Variants in FIGN observed in about 807,000 individuals in gnomAD.
FIGN encodes fidgetin, microtubule severing factor.
Under a neutral mutation model 51.3 loss-of-function variants are expected in FIGN, and 11 were observed. The observed-to-expected ratio is 0.21, with a 90% CI of 0.13 to 0.35. The LOEUF (loss-of-function observed/expected upper bound fraction) is 0.35. FIGN is among the 10% of genes least tolerant of loss of function. The pLI is 1.00. For synonymous variants in FIGN, 407 were observed against 363.2 expected, an observed-to-expected ratio of 1.12 and a Z score of -1.37; for missense variants, 857 against 943.6, an observed-to-expected ratio of 0.91 and a Z score of 1.20.
chr2:163,652,050 C>T (rs1050919505), intron 2 of FIGN, among the ~76,000 whole-genome samples: 3 of 152,116 alleles, frequency 2.0e-5, no homozygotes, highest in Non-Finnish European at 4.4e-5. Flanking sequence ...ATGCTTAAAA[C>T]TTTGTTAATG....
At chr2:163,658,087 C>G (rs1310566451) in intron 2 of FIGN, among the ~76,000 whole-genome samples, 2 of 152,252 alleles carry the variant, frequency 1.3e-5, no homozygotes, top group African/African-American at 4.8e-5. Flanking sequence ...AATAATGCCA[C>G]AACTCTGTTT....
intron 2 of FIGN, among the ~76,000 whole-genome samples, chr2:163,621,078 C>T (rs951148324): frequency 6.6e-6 from 1 of 152,036 alleles, no homozygotes; most frequent in Admixed American, 6.6e-5. Flanking sequence ...TCTAAAAAGA[C>T]AGTTTACATA....
chr2:163,621,410 C>T (rs572586899), intron 2 of FIGN, among the ~76,000 whole-genome samples: 7 of 152,242 alleles, frequency 4.6e-5, no homozygotes, highest in Middle Eastern at 3.4e-3. Flanking sequence ...CTCCTGGGAC[C>T]TGTGTATAAT....
At chr2:163,611,971 ACT>A (rs1691273589) in intron 2 of FIGN, among the ~76,000 whole-genome samples, 165 bp from the exon 3 acceptor site, 1 of 152,240 alleles carries the variant, frequency 6.6e-6, no homozygotes, top group Non-Finnish European at 1.5e-5. Context: ...TATAATAAGT[ACT>A]CTTTAAAATG....
chr2:163,619,783 A>T (rs559179636), intron 2 of FIGN, among the ~76,000 whole-genome samples: 1 of 152,308 alleles, frequency 6.6e-6, no homozygotes, highest in South Asian at 2.1e-4. Context: ...GGAAATCATG[A>T]TCATAATTCA....
At chr2:163,716,685 A>G (rs1177424493) in intron 2 of FIGN, among the ~76,000 whole-genome samples, 2 of 152,244 alleles carry the variant, frequency 1.3e-5, no homozygotes, top group Non-Finnish European at 2.9e-5. Context: ...TAAACATAGT[A>G]AAATATATAA....
chr2:163,614,709 C>T lies in FIGN; in HGVS notation c.26-2903G>A, dbSNP rs553047386. ...ACGTACGCACACATAAGTTAAAGGACGGCTTCCTTTCAGTTTGCTGAGCTA... is the reference window on the plus strand; with the variant it reads ...ACGTACGCACACATAAGTTAAAGGATGGCTTCCTTTCAGTTTGCTGAGCTA... On this transcript the variant is annotated intron_variant, in intron 2 of 2. Coordinates refer to ENST00000333129, the MANE Select transcript of FIGN (RefSeq NM_018086.4). Among the ~76,000 whole-genome samples the T allele has an allele frequency of 3.3e-3, 501 of 152,138 alleles. 2 individuals carry two copies. The highest frequency in any genetic ancestry group is 0.023 in the South Asian group (111 of 4,832).
chr2:163,682,974 CT>C (rs1207886928), intron 2 of FIGN, among the ~76,000 whole-genome samples: 3 of 152,090 alleles, frequency 2.0e-5, no homozygotes, highest in African/African-American at 7.2e-5. Context: ...TCTTCTTCTT[CT>C]TTTTTTCTTT....
chr2:163,622,986 C>A (rs1682998548), intron 2 of FIGN, among the ~76,000 whole-genome samples: 1 of 152,130 alleles, frequency 6.6e-6, no homozygotes, highest in Non-Finnish European at 1.5e-5. Flanking sequence ...AATCATGTGC[C>A]TCTTCATAGC....
intron 2 of FIGN, among the ~76,000 whole-genome samples, chr2:163,679,409 T>C (rs1684022869): frequency 6.6e-6 from 1 of 151,524 alleles, no homozygotes; most frequent in South Asian, 2.1e-4. Context: ...GGCAGGAGAA[T>C]GGTGTGAACC....
chr2:163,650,699 C>T (rs1683459741), intron 2 of FIGN, among the ~76,000 whole-genome samples: 1 of 152,082 alleles, frequency 6.6e-6, no homozygotes, highest in South Asian at 2.1e-4. Flanking sequence ...TGCTGTTAGG[C>T]TGTGTCCTAT....
At chr2:163,675,186 A>G (rs988687620) in intron 2 of FIGN, among the ~76,000 whole-genome samples, 32 of 152,220 alleles carry the variant, frequency 2.1e-4, no homozygotes, top group Admixed American at 2.0e-3. Flanking sequence ...GGGCCTGGAT[A>G]AACTCTAATT....
chr2:163,703,099 C>A (rs2105351785), intron 2 of FIGN, among the ~76,000 whole-genome samples: 1 of 149,954 alleles, frequency 6.7e-6, no homozygotes, highest in East Asian at 1.9e-4. Context: ...AAAATAAATG[C>A]TTGATTGGCT....
intron 2 of FIGN, among the ~76,000 whole-genome samples, chr2:163,687,545 A>G (rs529802317): frequency 2.0e-5 from 3 of 152,162 alleles, no homozygotes; most frequent in Non-Finnish European, 4.4e-5. Flanking sequence ...GGTAACTGAG[A>G]CTGGTCAACT....
At position 163,605,814 on chromosome 2, in the gene FIGN, A is replaced by C. The variant is rs1016808254; in HGVS notation, c.*3738T>G. ...AGTTGGATACATTTTTAGAGAAAGAAATTCTAAATGTCTCTAAAAACGTAT... is the reference window on the plus strand; with the variant it reads ...AGTTGGATACATTTTTAGAGAAAGACATTCTAAATGTCTCTAAAAACGTAT... On this transcript the variant is annotated 3_prime_UTR_variant, in exon 3 of 3. Transcript: ENST00000333129. 6.6e-6 allele frequency: 1 copy of C among 152,032 alleles called. No individual in the cohort carries two copies. Among genetic ancestry groups the C allele is most frequent in the East Asian group, 1.9e-4 (1 of 5,186 alleles). The allele number at this position is 152,032 out of a possible 1,614,324, so 9.4% of individuals were successfully genotyped here. A position where few individuals can be genotyped will look rare whatever the true frequency, so the allele number is the denominator to read the frequency against.
In FIGN at chr2:163,602,994, T is replaced by C. The variant is rs973347244; in HGVS notation, c.*6558A>G. On this transcript the variant is annotated 3_prime_UTR_variant, in exon 3 of 3. Coordinates refer to ENST00000333129, the MANE Select transcript of FIGN (RefSeq NM_018086.4). ...TCTCCAAGTTAATTGTACAGCAGCTTCCTACACACATATGATCAACCATAT... is the reference window on the plus strand; with the variant it reads ...TCTCCAAGTTAATTGTACAGCAGCTCCCTACACACATATGATCAACCATAT... 5 of 152,020 alleles carry C rather than the reference T, an allele frequency of 3.3e-5. No individual in the cohort carries two copies. The highest frequency in any genetic ancestry group is 1.2e-4 in the African/African-American group (5 of 41,420). 9.4% of individuals were successfully genotyped at this position (152,020 alleles called of 1,614,324 possible).
rs1365442771 is a variant in FIGN at position 163,603,921 on chromosome 2, G to A, written c.*5631C>T. 1.3e-5 allele frequency: 2 copies of A among 152,050 alleles called. No individual in the cohort carries two copies. The highest frequency in any genetic ancestry group is 4.8e-5 in the African/African-American group (2 of 41,424). The allele number at this position is 152,050 out of a possible 1,614,324, so 9.4% of individuals were successfully genotyped here. ...TACAAAGTAATTCAATGTGCCATTA[G>A]TTGTACAATTGCTTCAATAAACAAA... is the stretch of plus-strand genomic sequence containing the variant. On this transcript the variant is annotated 3_prime_UTR_variant, in exon 3 of 3. Coordinates refer to ENST00000333129, the MANE Select transcript of FIGN (RefSeq NM_018086.4).
chr2:163,688,072 A>G (rs1684182007), intron 2 of FIGN, among the ~76,000 whole-genome samples: 1 of 152,208 alleles, frequency 6.6e-6, no homozygotes, highest in South Asian at 2.1e-4. Context: ...ACTTGCCAGA[A>G]AATACCAAAG....
At chr2:163,730,009 C>T (rs1684900272) in intron 2 of FIGN, among the ~76,000 whole-genome samples, 1 of 152,174 alleles carries the variant, frequency 6.6e-6, no homozygotes, top group Non-Finnish European at 1.5e-5. Flanking sequence ...TCTTTTCTGC[C>T]TCCTCAGTAT....
Sources: gnomAD v4.1 joint callset for allele counts (sites outside exome capture counted in the v4.1 genomes callset) on GRCh38, gnomAD v4.1.1 for gene constraint, MANE v1.5 for transcripts, NCBI Gene and HGNC (gene_info 2026-07-23, HGNC 2026-07-21) for gene names.